Variants in CNST observed in about 807,000 individuals in gnomAD.
CNST encodes the protein consortin, connexin sorting protein.
CNST carries 39 observed loss-of-function variants against 72.4 expected under a neutral mutation model. That is an observed-to-expected ratio of 0.54 (90% CI 0.42 to 0.70). The LOEUF (loss-of-function observed/expected upper bound fraction) is 0.70. CNST is among the 30% of genes least tolerant of loss of function. CNST has a pLI of 0.00. For missense variants in CNST, 871 were observed against 868.5 expected (o/e 1.00, Z -0.04); for synonymous variants, 332 against 320.1 (o/e 1.04, Z -0.40).
In CNST at chr1:246,664,656, G is replaced by C. The variant is rs547263459; in HGVS notation, c.1973-1044G>C. 2.7e-5 allele frequency among the ~76,000 whole-genome samples: 4 copies of C among 145,784 alleles called. No homozygotes were observed. The South Asian group carries it at 8.4e-4, about 31-fold the overall frequency. Reference sequence around the variant, plus strand: ...TCAGCCAGGATGGTCTCGATCTCCTGACCTCGTGATCCGCCCGCCTCAGCC... The same window carrying C: ...TCAGCCAGGATGGTCTCGATCTCCTCACCTCGTGATCCGCCCGCCTCAGCC... On this transcript the variant is annotated intron_variant, in intron 10 of 10. Transcript: ENST00000366513.
chr1:246,614,870 C>G (rs1558559549), intron 2 of CNST, among the ~76,000 whole-genome samples: 2 of 152,076 alleles, frequency 1.3e-5, no homozygotes, highest in Non-Finnish European at 2.9e-5. Context: ...CCCAATCATG[C>G]AAAGAAATGG....
chr1:246,659,550 G>C (rs570757411), intron 9 of CNST, among the ~76,000 whole-genome samples: 2 of 151,632 alleles, frequency 1.3e-5, no homozygotes, highest in Non-Finnish European at 2.9e-5. Flanking sequence ...AGCCGAGATC[G>C]CGCCACTGCA....
chr1:246,651,963 A>G (rs1029154199), intron 9 of CNST, among the ~76,000 whole-genome samples: 1 of 152,218 alleles, frequency 6.6e-6, no homozygotes, highest in Non-Finnish European at 1.5e-5. Flanking sequence ...AGATGCAGTG[A>G]CTGAAAATAC....
At position 246,666,991 on chromosome 1, in the gene CNST, A is replaced by T. The variant is rs3795471; in HGVS notation, c.*1086A>T. ...AGATCCTATTGCGGGGTCATTACGC[A>T]AAAATTCAATCATACCTTCCATAGA... On this transcript the variant is annotated 3_prime_UTR_variant, in exon 11 of 11. Transcript: ENST00000366513. 2 of 151,830 alleles carry T rather than the reference A, an allele frequency of 1.3e-5. No individual in the cohort carries two copies. Among genetic ancestry groups the T allele is most frequent in the African/African-American group, 4.8e-5 (2 of 41,324 alleles). 9.4% of individuals were successfully genotyped at this position (151,830 alleles called of 1,614,324 possible). A position where few individuals can be genotyped will look rare whatever the true frequency, so the allele number is the denominator to read the frequency against.
intron 2 of CNST, among the ~76,000 whole-genome samples, chr1:246,614,542 G>A (rs1021393101): frequency 8.3e-5 from 12 of 145,136 alleles, no homozygotes; most frequent in South Asian, 4.3e-4. Flanking sequence ...AGACAGTCTC[G>A]CTCTCTACAA....
At chr1:246,664,140 A>G (rs1190913739) in intron 10 of CNST, among the ~76,000 whole-genome samples, 2 of 152,254 alleles carry the variant, frequency 1.3e-5, no homozygotes, top group African/African-American at 4.8e-5. Context: ...TATTAAATTT[A>G]CTTCATTCTA....
chr1:246,604,344 C>T (rs967341992), intron 2 of CNST, among the ~76,000 whole-genome samples: 26 of 151,906 alleles, frequency 1.7e-4, no homozygotes, highest in Non-Finnish European at 1.9e-4. Context: ...AATTTAAAAA[C>T]TACTAGTGTA....
At chr1:246,617,307 A>G (rs1157967794) in intron 2 of CNST, among the ~76,000 whole-genome samples, 4 of 152,242 alleles carry the variant, frequency 2.6e-5, no homozygotes, top group Admixed American at 2.6e-4. Context: ...AAGCAATTTA[A>G]TACTCCAGCT....
At chr1:246,649,410 T>G (rs1317348468) in intron 9 of CNST, among the ~76,000 whole-genome samples, 1 of 152,224 alleles carries the variant, frequency 6.6e-6, no homozygotes, top group Non-Finnish European at 1.5e-5. Context: ...GTATAGCACT[T>G]AATCCGGTAT....
At chr1:246,587,006 G>C (rs1207677994) in intron 1 of CNST, among the ~76,000 whole-genome samples, 1 of 152,058 alleles carries the variant, frequency 6.6e-6, no homozygotes, top group East Asian at 1.9e-4. Flanking sequence ...AGGCCTATGC[G>C]TTTAATCTTT....
Position 246,631,928 on chromosome 1 carries a change from T to C in CNST, c.616+4T>C, listed in dbSNP as rs762151147. On this transcript the variant is annotated splice_donor_region_variant and intron_variant, in intron 4 of 10. Transcript: ENST00000366513. The stretch of plus-strand genomic sequence containing the variant: ...TCCTATTTCCAGGAGGAGGACTGTA[T>C]CCTTTTCTTAATTACAGGAAGAAAT... 6.6e-7 allele frequency: 1 copy of C among 1,525,962 alleles called. No individual in the cohort carries two copies. Among genetic ancestry groups the C allele is most frequent in the Non-Finnish European group, 8.9e-7 (1 of 1,119,268 alleles). The allele number at this position is 1,525,962 out of a possible 1,614,324, so 94.5% of individuals were successfully genotyped here. A position where few individuals can be genotyped will look rare whatever the true frequency, so the allele number is the denominator to read the frequency against.
intron 2 of CNST, among the ~76,000 whole-genome samples, chr1:246,608,966 C>T (rs1015895218): frequency 2.6e-5 from 4 of 152,160 alleles, no homozygotes; most frequent in East Asian, 1.9e-4. Context: ...ACGGGTTGAG[C>T]GAGTCAGGTT....
At chr1:246,646,286 A>G (rs1273509819) in intron 8 of CNST, among the ~76,000 whole-genome samples, 1 of 151,774 alleles carries the variant, frequency 6.6e-6, no homozygotes, top group Non-Finnish European at 1.5e-5. Flanking sequence ...TCTCAAAAAA[A>G]AAAAAAAAGT....
At chr1:246,600,276 G>A (rs1016641784) in intron 2 of CNST, among the ~76,000 whole-genome samples, 3 of 152,206 alleles carry the variant, frequency 2.0e-5, no homozygotes, top group African/African-American at 4.8e-5. Flanking sequence ...GTAGAGAGAT[G>A]GAGGCTTAGA....
intron 1 of CNST, among the ~76,000 whole-genome samples, chr1:246,585,728 C>T (rs193290904): frequency 5.7e-5 from 8 of 140,774 alleles, no homozygotes; most frequent in Non-Finnish European, 1.2e-4. Context: ...ATGTATACAG[C>T]ATAAGTGCAT....
At chr1:246,651,076 T>C (rs920114200) in intron 9 of CNST, among the ~76,000 whole-genome samples, 9 of 152,206 alleles carry the variant, frequency 5.9e-5, no homozygotes, top group Non-Finnish European at 8.8e-5. Flanking sequence ...ATGATGTTGT[T>C]GGCCTTTTGG....
intron 2 of CNST, among the ~76,000 whole-genome samples, chr1:246,595,003 T>C (rs1158149848): frequency 1.3e-5 from 2 of 152,208 alleles, no homozygotes; most frequent in Admixed American, 1.3e-4. Context: ...CTCTAGTGCA[T>C]CTATAGAGTT....
chr1:246,610,031 C>G (rs1227717771), intron 2 of CNST, among the ~76,000 whole-genome samples: 1 of 152,172 alleles, frequency 6.6e-6, no homozygotes, highest in Non-Finnish European at 1.5e-5. Flanking sequence ...GCCTGTAATC[C>G]CAGCACTTTG....
intron 9 of CNST, among the ~76,000 whole-genome samples, chr1:246,652,819 A>C (rs947790559): frequency 6.6e-6 from 1 of 150,630 alleles, no homozygotes; most frequent in Non-Finnish European, 1.5e-5. Flanking sequence ...CCTGGCTAAC[A>C]CGGTGAAACC....
Sources: allele counts gnomAD v4.1 joint callset (sites outside exome capture counted in the v4.1 genomes callset), GRCh38; gene constraint gnomAD v4.1.1; transcripts MANE v1.5; gene names NCBI Gene and HGNC (gene_info 2026-07-23, HGNC 2026-07-21).